Variants in CCDC32 observed in about 807,000 individuals in gnomAD.
CCDC32 encodes coiled-coil domain containing 32, also known as coiled-coil domain-containing protein 32.
CCDC32 carries 9 observed loss-of-function variants against 20.1 expected under a neutral mutation model. That is an observed-to-expected ratio of 0.45 (90% CI 0.27 to 0.78). The LOEUF is 0.78. CCDC32 is among the 30% of genes least tolerant of loss of function. The pLI is 0.16. For missense variants in CCDC32, 204 were observed against 215.5 expected, an observed-to-expected ratio of 0.95 and a Z score of 0.33; for synonymous variants, 63 against 79.0, an observed-to-expected ratio of 0.80 and a Z score of 1.07.
chr15:40,535,293 AC>A, downstream of CCDC32: 1 of 1,294,952 alleles, frequency 7.7e-7, no homozygotes, highest in South Asian at 1.8e-5. Context: ...CTGTATGAGC[AC>A]CTTGTAGGTG....
Position 40,553,241 on chromosome 15 carries a change from T to C in CCDC32, c.*730A>G. 1 of 985,446 alleles carries C rather than the reference T, an allele frequency of 1.0e-6. No individual in the cohort carries two copies. 61.0% of individuals were successfully genotyped at this position (985,446 alleles called of 1,614,324 possible). On this transcript the variant is annotated 3_prime_UTR_variant, in exon 4 of 4. Transcript: ENST00000416810. The stretch of plus-strand genomic sequence containing the variant: ...GGAGTAGTGTCAAACACTAACACCA[T>C]ATTTACAAGTCTAATTTGGAACCTG...
Position 40,557,361 on chromosome 15 carries a change from T to G in CCDC32, c.256A>C (p.Arg86=). 2 of 1,611,416 alleles carry G rather than the reference T, an allele frequency of 1.2e-6. No individual in the cohort carries two copies. Among genetic ancestry groups the G allele is most frequent in the Non-Finnish European group, 8.5e-7 (1 of 1,179,190 alleles). Residue 86 remains arginine, a synonymous_variant, in exon 3 of 4, where the codon AGA becomes CGA. Transcript: ENST00000416810. ...TCCTGATTTAAACCTTTGATTCTTC[T>G]TAGCTTCTTCTCTAGAGAGAGAAGT... ...VYLASLEKKL[R]RIKGLNQEVT...
the CCDC32 span, among the ~76,000 whole-genome samples, chr15:40,522,006 T>C: frequency 1.3e-5 from 2 of 152,232 alleles, no homozygotes; most frequent in African/African-American, 4.8e-5. Flanking sequence ...CACTTGTGCT[T>C]TGGCCCATAC....
At chr15:40,523,231 G>A in the CCDC32 span, among the ~76,000 whole-genome samples, 4 of 151,824 alleles carry the variant, frequency 2.6e-5, no homozygotes, top group Admixed American at 1.3e-4. Flanking sequence ...AGCGCTGGGC[G>A]CGGTGGCTCA....
At chr15:40,558,421 C>T (rs978540185) in intron 2 of CCDC32, among the ~76,000 whole-genome samples, 22 of 152,066 alleles carry the variant, frequency 1.4e-4, no homozygotes, top group African/African-American at 5.1e-4. Flanking sequence ...AAAGGGTTAT[C>T]CATAGCATAC....
chr15:40,552,427 G>A (rs1889922535), downstream of CCDC32, among the ~76,000 whole-genome samples: 2 of 142,130 alleles, frequency 1.4e-5, no homozygotes. Context: ...GTTGCGGGGA[G>A]CCAAGATCGC....
downstream of CCDC32, among the ~76,000 whole-genome samples, chr15:40,552,059 T>G (rs1889901246): frequency 6.6e-6 from 1 of 151,316 alleles, no homozygotes; most frequent in Non-Finnish European, 1.5e-5. Flanking sequence ...CAGGGGAAGC[T>G]GAGGCAGAAG....
chr15:40,545,037 G>GA (rs1889557342), intron 3 of CCDC32, among the ~76,000 whole-genome samples: 1 of 152,130 alleles, frequency 6.6e-6, no homozygotes, highest in Admixed American at 6.5e-5. Flanking sequence ...CTGAACAGAG[G>GA]AAAAAGAAAC....
At chr15:40,547,950 T>G (rs143411864) in intron 3 of CCDC32, among the ~76,000 whole-genome samples, 115 of 152,366 alleles carry the variant, frequency 7.5e-4, no homozygotes, top group African/African-American at 2.6e-3. Context: ...TAAACTGATA[T>G]GCTAGGCCAC....
chr15:40,561,660 C>A (rs1411316522), intron 2 of CCDC32, among the ~76,000 whole-genome samples: 1 of 151,956 alleles, frequency 6.6e-6, no homozygotes, highest in Non-Finnish European at 1.5e-5. Flanking sequence ...TACAATTAAT[C>A]CATGTAGCCA....
At chr15:40,540,722 C>T (rs1462929438) in intron 3 of CCDC32, among the ~76,000 whole-genome samples, 1 of 152,122 alleles carries the variant, frequency 6.6e-6, no homozygotes, top group Non-Finnish European at 1.5e-5. Flanking sequence ...AACTCTGGGG[C>T]CGGGCCAGTC....
chr15:40,528,855 T>C, intron 3 of CCDC32: 1 of 675,662 alleles, frequency 1.5e-6, no homozygotes. Flanking sequence ...CTTTGCATAA[T>C]GGTGGCTCTG....
chr15:40,523,359 C>T, the CCDC32 span, among the ~76,000 whole-genome samples: 1 of 151,784 alleles, frequency 6.6e-6, no homozygotes, highest in South Asian at 2.1e-4. Context: ...ACAAAATTAG[C>T]CAGGCATAGT....
chr15:40,558,826 G>A, intron 2 of CCDC32, among the ~76,000 whole-genome samples: 1 of 150,188 alleles, frequency 6.7e-6, no homozygotes, highest in East Asian at 1.9e-4. Flanking sequence ...TTGAGACGGA[G>A]TCTCGCTCTG....
downstream of CCDC32, chr15:40,537,346 A>T (rs954343789): frequency 2.0e-5 from 3 of 152,516 alleles, no homozygotes; most frequent in Admixed American, 6.5e-5. Context: ...CGAAAGAGGA[A>T]GGGGCTTGGC....
intron 3 of CCDC32, among the ~76,000 whole-genome samples, chr15:40,544,252 C>T (rs917972126): frequency 3.9e-5 from 6 of 152,192 alleles, no homozygotes; most frequent in African/African-American, 1.4e-4. Context: ...CTTGCTCTGT[C>T]GCCCAGGATA....
downstream of CCDC32, chr15:40,536,194 C>A (rs1889101516): frequency 6.6e-6 from 1 of 152,392 alleles, no homozygotes; most frequent in Non-Finnish European, 1.5e-5. Context: ...GGCTTCCTAA[C>A]TCTGGCTTCT....
intron 3 of CCDC32, among the ~76,000 whole-genome samples, chr15:40,539,711 G>T (rs1889294743): frequency 6.6e-6 from 1 of 152,066 alleles, no homozygotes. Context: ...GTCTCTCTTG[G>T]CCTCCTGCTC....
intron 3 of CCDC32, among the ~76,000 whole-genome samples, chr15:40,556,187 C>A (rs1346216419): frequency 6.6e-6 from 1 of 152,100 alleles, no homozygotes; most frequent in African/African-American, 2.4e-5. Flanking sequence ...GGCAGCATGC[C>A]CTCTCTATCT....
Sources: allele counts gnomAD v4.1 joint callset (sites outside exome capture counted in the v4.1 genomes callset), GRCh38; gene constraint gnomAD v4.1.1; transcripts MANE v1.5; gene names NCBI Gene and HGNC (gene_info 2026-07-23, HGNC 2026-07-21).